The following FLT1 variants were observed in gnomAD, a reference collection of about 807,000 sequenced individuals.
FLT1 encodes vascular endothelial growth factor receptor 1.
FLT1 carries 49 observed loss-of-function variants against 156.3 expected under a neutral mutation model. The observed-to-expected ratio is 0.31, with a 90% CI of 0.25 to 0.40. The LOEUF is 0.40. Ranked by LOEUF, FLT1 falls within the 10% of genes least tolerant of loss-of-function variation. FLT1 has a pLI of 1.00. For synonymous variants in FLT1, 594 were observed against 583.8 expected (o/e 1.02, Z -0.25); for missense variants, 1,322 against 1,637.2 (o/e 0.81, Z 3.32).
At chr13:28,317,449 G>A in intron 25 of FLT1, 49 bp downstream of exon 25, 1 of 1,157,780 alleles carries the variant, frequency 8.6e-7, no homozygotes, top group Non-Finnish European at 1.3e-6. Flanking sequence ...GGAATGCCCT[G>A]GTGAAAAGCG....
At chr13:28,482,522 G>T (rs1011863708) in intron 1 of FLT1, among the ~76,000 whole-genome samples, 3 of 151,340 alleles carry the variant, frequency 2.0e-5, no homozygotes, top group African/African-American at 7.3e-5. Flanking sequence ...AAAAAGAAAA[G>T]AAAATACAGC....
At position 28,445,423 on chromosome 13, in the gene FLT1, C is replaced by T. The variant is rs141772696; in HGVS notation, c.389-7078G>A. Among the ~76,000 whole-genome samples the T allele has an allele frequency of 4.8e-3, 734 of 151,980 alleles. 7 individuals are homozygous for T. The highest frequency in any genetic ancestry group is 0.017 in the African/African-American group (689 of 41,428). On this transcript the variant is annotated intron_variant, in intron 3 of 29. Coordinates refer to ENST00000282397, the MANE Select transcript of FLT1 (RefSeq NM_002019.4). ...CCCAGGTGGCAGAGGTTGCAGGAGC[C>T]GAGATTGTGCCACTGCACTCCAGCC...
chr13:28,394,655 C>T (rs1473762318), intron 12 of FLT1, among the ~76,000 whole-genome samples: 1 of 152,122 alleles, frequency 6.6e-6, no homozygotes, highest in Admixed American at 6.5e-5. Flanking sequence ...CATCCTCTTC[C>T]AGTACTGCCC....
At chr13:28,474,374 T>C (rs1327724398) in intron 1 of FLT1, among the ~76,000 whole-genome samples, 1 of 152,020 alleles carries the variant, frequency 6.6e-6, no homozygotes, top group Non-Finnish European at 1.5e-5. Context: ...GAGAATCACT[T>C]GAACCTGGAG....
intron 14 of FLT1, among the ~76,000 whole-genome samples, 183 bp from the exon 15 acceptor site, chr13:28,357,868 C>CTTTTTTTTTTTTTTT (rs57304530): frequency 2.9e-5 from 3 of 104,732 alleles, no homozygotes; most frequent in African/African-American, 1.1e-4. Flanking sequence ...CTTTTCTTTC[C>CTTTTTTTTTTTTTTT]TTTTTTTTTT....
At chr13:28,353,572 C>CAAA (rs34155046) in intron 15 of FLT1, among the ~76,000 whole-genome samples, 9 of 123,456 alleles carry the variant, frequency 7.3e-5, no homozygotes, top group African/African-American at 1.7e-4. Context: ...GACTGTGTCT[C>CAAA]AAAAAAAAAA....
chr13:28,476,819 A>G (rs1276896134), intron 1 of FLT1, among the ~76,000 whole-genome samples: 1 of 152,222 alleles, frequency 6.6e-6, no homozygotes. Context: ...TGTTCATTTC[A>G]ATAATTCTGC....
intron 14 of FLT1, among the ~76,000 whole-genome samples, chr13:28,361,068 T>C (rs1385272224): frequency 6.6e-6 from 1 of 151,914 alleles, no homozygotes; most frequent in Non-Finnish European, 1.5e-5. Context: ...TCATGAGGTC[T>C]AGGAATTCGA....
intron 25 of FLT1, among the ~76,000 whole-genome samples, chr13:28,314,225 G>A (rs1871116351): frequency 6.6e-6 from 1 of 152,116 alleles, no homozygotes; most frequent in Non-Finnish European, 1.5e-5. Flanking sequence ...TGCTGTCTGG[G>A]AGATGCACCA....
intron 14 of FLT1, among the ~76,000 whole-genome samples, chr13:28,367,230 T>C (rs1873333267): frequency 6.6e-6 from 1 of 152,214 alleles, no homozygotes; most frequent in African/African-American, 2.4e-5. Flanking sequence ...GAGCTTAGAA[T>C]GCAAACTCTG....
chr13:28,303,183 G>T lies in FLT1; in HGVS notation c.4001C>A (p.Ser1334Tyr). 1 of 1,610,944 alleles carries T rather than the reference G, an allele frequency of 6.2e-7. No homozygotes were observed. Among genetic ancestry groups the T allele is most frequent in the Non-Finnish European group, 8.5e-7 (1 of 1,179,906 alleles). ...TGTCAAACTCTAGATGGGTGGGGTG[G>T]AGTACAGGACCACCGAGTTGTAGTC... ...PPDYNSVVLY[S>Y]TPPI The change falls in exon 30 of 30, where the codon TCC becomes TAC. Residue 1334 changes from serine (S) to tyrosine (Y), a missense_variant. Coordinates refer to ENST00000282397, the MANE Select transcript of FLT1 (RefSeq NM_002019.4).
At chr13:28,482,638 T>C (rs911092987) in intron 1 of FLT1, among the ~76,000 whole-genome samples, 4 of 152,198 alleles carry the variant, frequency 2.6e-5, no homozygotes, top group Non-Finnish European at 5.9e-5. Context: ...GGCAATTCCA[T>C]GCCCATCGGT....
chr13:28,338,030 C>T (rs939511114), intron 17 of FLT1, among the ~76,000 whole-genome samples: 9 of 152,184 alleles, frequency 5.9e-5, no homozygotes, highest in African/African-American at 1.9e-4. Context: ...TTTTTTCCTC[C>T]TGTCCACAGC....
intron 14 of FLT1, among the ~76,000 whole-genome samples, chr13:28,362,640 G>A (rs1807918370): frequency 6.6e-6 from 1 of 152,084 alleles, no homozygotes; most frequent in African/African-American, 2.4e-5. Context: ...GCAACATAAT[G>A]AGACTCCATC....
chr13:28,330,839 G>A (rs1256981893), intron 18 of FLT1, among the ~76,000 whole-genome samples: 4 of 151,716 alleles, frequency 2.6e-5, no homozygotes, highest in Admixed American at 1.3e-4. Context: ...TCAGCCTCCC[G>A]AGTAGCTGGG....
intron 1 of FLT1, among the ~76,000 whole-genome samples, chr13:28,474,523 CAA>C (rs398022103): frequency 1.4e-4 from 19 of 140,062 alleles, no homozygotes; most frequent in African/African-American, 4.8e-4. Context: ...CACACACACA[CAA>C]ACCCCACAAA....
At chr13:28,350,066 C>A (rs934944408) in intron 15 of FLT1, among the ~76,000 whole-genome samples, 1 of 152,126 alleles carries the variant, frequency 6.6e-6, no homozygotes, top group Non-Finnish European at 1.5e-5. Flanking sequence ...CTGACTAAAC[C>A]CAGCTTCAAT....
chr13:28,480,285 T>G (rs1880763068), intron 1 of FLT1, among the ~76,000 whole-genome samples: 1 of 152,234 alleles, frequency 6.6e-6, no homozygotes, highest in Non-Finnish European at 1.5e-5. Flanking sequence ...TTTAATTTTT[T>G]GAACGTATAC....
intron 14 of FLT1, among the ~76,000 whole-genome samples, chr13:28,371,940 C>A (rs1025255137): frequency 1.3e-5 from 2 of 150,558 alleles, no homozygotes. Flanking sequence ...AATTCAAGGT[C>A]CCTGTTTTGT....
Sources: allele counts gnomAD v4.1 joint callset (sites outside exome capture counted in the v4.1 genomes callset), GRCh38; gene constraint gnomAD v4.1.1; transcripts MANE v1.5; gene names NCBI Gene and HGNC (gene_info 2026-07-23, HGNC 2026-07-21).